Variants in MACROD2 observed in about 807,000 individuals in gnomAD.
The protein encoded by MACROD2 is mono-ADP ribosylhydrolase 2.
In MACROD2, 36 loss-of-function variants were observed where a neutral mutation model predicts 70.4. That is an observed-to-expected ratio of 0.51 (90% CI 0.39 to 0.68). The LOEUF (loss-of-function observed/expected upper bound fraction) is 0.68. Ranked by LOEUF, MACROD2 falls within the 30% of genes least tolerant of loss-of-function variation. The pLI, the probability that MACROD2 is intolerant of heterozygous loss-of-function variation, is 0.00. For missense variants in MACROD2, 496 were observed against 538.4 expected, an observed-to-expected ratio of 0.92 and a Z score of 0.78; for synonymous variants, 172 against 178.8, an observed-to-expected ratio of 0.96 and a Z score of 0.30.
intron 4 of MACROD2, among the ~76,000 whole-genome samples, chr20:14,660,534 T>G (rs1986174400): frequency 1.3e-5 from 2 of 152,344 alleles, no homozygotes; most frequent in South Asian, 2.1e-4. Flanking sequence ...TAAATTTTTT[T>G]GCAAATCAGA....
intron 6 of MACROD2, among the ~76,000 whole-genome samples, chr20:15,409,392 A>C (rs951954633): frequency 1.3e-5 from 2 of 152,224 alleles, no homozygotes; most frequent in African/African-American, 4.8e-5. Context: ...ACAATGCTGC[A>C]GTGTATAATT....
chr20:14,045,069 C>G (rs948558213), intron 2 of MACROD2, among the ~76,000 whole-genome samples: 1 of 152,214 alleles, frequency 6.6e-6, no homozygotes, highest in African/African-American at 2.4e-5. Flanking sequence ...GCCGGCTTGC[C>G]GCTCCGAGTG....
At chr20:14,060,881 A>G (rs555273511) in intron 2 of MACROD2, among the ~76,000 whole-genome samples, 22 of 152,250 alleles carry the variant, frequency 1.4e-4, no homozygotes, top group African/African-American at 5.3e-4. Context: ...ATTGATTCTA[A>G]TATTTGAATT....
At chr20:15,675,012 C>A (rs1175421141) in intron 8 of MACROD2, among the ~76,000 whole-genome samples, 2 of 152,092 alleles carry the variant, frequency 1.3e-5, no homozygotes, top group Admixed American at 1.3e-4. Context: ...CCAAGGTTAT[C>A]AGTTATATTG....
chr20:15,863,946 A>T (rs951685264), intron 9 of MACROD2, among the ~76,000 whole-genome samples: 1 of 152,234 alleles, frequency 6.6e-6, no homozygotes, highest in Non-Finnish European at 1.5e-5. Context: ...GGCTCTGCTA[A>T]GTGCATTTAA....
At chr20:14,364,531 C>A (rs2083254590) in intron 3 of MACROD2, among the ~76,000 whole-genome samples, 1 of 152,136 alleles carries the variant, frequency 6.6e-6, no homozygotes, top group African/African-American at 2.4e-5. Flanking sequence ...CAACCACCGC[C>A]TCTATTTCCA....
chr20:14,450,980 A>T (rs1392039088), intron 3 of MACROD2, among the ~76,000 whole-genome samples: 2 of 152,244 alleles, frequency 1.3e-5, no homozygotes, highest in South Asian at 4.1e-4. Flanking sequence ...AAAGGGGTCA[A>T]TATGGACTCT....
At chr20:14,023,880 C>T (rs930872129) in intron 2 of MACROD2, among the ~76,000 whole-genome samples, 6 of 152,068 alleles carry the variant, frequency 3.9e-5, no homozygotes, top group East Asian at 1.9e-4. Context: ...CTTGGCTATG[C>T]GGGCTGTTTT....
Position 15,642,597 on chromosome 20 carries a change from A to AAC in MACROD2, c.645+142793_645+142794dup, listed in dbSNP as rs56698663. Among the ~76,000 whole-genome samples the AAC allele has an allele frequency of 6.2e-4, 91 of 147,106 alleles. No individual in the cohort carries two copies. In the East Asian group the frequency reaches 6.5e-3, roughly 10 times the overall value. On this transcript the variant is annotated intron_variant, in intron 8 of 17. Transcript: ENST00000684519. The stretch of plus-strand genomic sequence containing the variant: ...AGTAGGGAACTGTGTACCTGTCATG[A>AAC]ACACACACACACACACACACACACA...
intron 8 of MACROD2, among the ~76,000 whole-genome samples, chr20:15,630,714 GCACAAAA>G (rs1354694484): frequency 3.3e-5 from 5 of 152,202 alleles, no homozygotes; most frequent in African/African-American, 1.2e-4. Flanking sequence ...CTTTGGCCGT[GCACAAAA>G]TGCAAGGGAG....
At chr20:15,127,528 G>A (rs2076075636) in intron 5 of MACROD2, among the ~76,000 whole-genome samples, 1 of 151,912 alleles carries the variant, frequency 6.6e-6, no homozygotes, top group African/African-American at 2.4e-5. Context: ...ACCTGTTGAT[G>A]CAGCAGTCAT....
At chr20:14,291,037 C>T (rs141509806) in intron 3 of MACROD2, among the ~76,000 whole-genome samples, 1 of 152,312 alleles carries the variant, frequency 6.6e-6, no homozygotes, top group East Asian at 1.9e-4. Flanking sequence ...ACATGAGTTG[C>T]TATTCTCTTA....
At chr20:15,085,513 A>G (rs1435383569) in intron 5 of MACROD2, among the ~76,000 whole-genome samples, 1 of 152,156 alleles carries the variant, frequency 6.6e-6, no homozygotes, top group Non-Finnish European at 1.5e-5. Flanking sequence ...TCTCATACCT[A>G]GCATACATAA....
chr20:15,516,471 T>C (rs1033296221), intron 8 of MACROD2, among the ~76,000 whole-genome samples: 4 of 152,118 alleles, frequency 2.6e-5, no homozygotes, highest in East Asian at 1.9e-4. Flanking sequence ...TTACGGTCTG[T>C]TGGAGAAAAC....
At chr20:15,374,145 G>A (rs2045529536) in intron 6 of MACROD2, among the ~76,000 whole-genome samples, 1 of 151,922 alleles carries the variant, frequency 6.6e-6, no homozygotes, top group Non-Finnish European at 1.5e-5. Context: ...AAAAGCTTCA[G>A]AGGGAAATAT....
At chr20:15,748,914 AT>A (rs527669816) in intron 8 of MACROD2, among the ~76,000 whole-genome samples, 336 of 152,232 alleles carry the variant, frequency 2.2e-3, no homozygotes, top group Non-Finnish European at 3.2e-3. Context: ...TTTGCCAGCC[AT>A]GTAACTTTGG....
intron 6 of MACROD2, among the ~76,000 whole-genome samples, chr20:15,354,905 C>G (rs1284447170): frequency 6.6e-6 from 1 of 152,168 alleles, no homozygotes; most frequent in Non-Finnish European, 1.5e-5. Context: ...TGTACTAGTA[C>G]TAATTTATCA....
intron 13 of MACROD2, among the ~76,000 whole-genome samples, chr20:15,977,781 T>C (rs1487804993): frequency 6.6e-6 from 1 of 152,208 alleles, no homozygotes; most frequent in African/African-American, 2.4e-5. Context: ...GTCATAAAGA[T>C]ATACACTTAA....
intron 5 of MACROD2, among the ~76,000 whole-genome samples, chr20:15,176,609 C>CCACT (rs2076464128): frequency 4.6e-5 from 7 of 152,156 alleles, no homozygotes; most frequent in Admixed American, 4.6e-4. Flanking sequence ...CACTTCGGGT[C>CCACT]TCCTGAGGGC....
Sources: allele counts gnomAD v4.1 joint callset (sites outside exome capture counted in the v4.1 genomes callset), GRCh38; gene constraint gnomAD v4.1.1; transcripts MANE v1.5; gene names NCBI Gene and HGNC (gene_info 2026-07-23, HGNC 2026-07-21).